The following VANGL2 variants were observed in gnomAD, a reference collection of about 807,000 sequenced individuals.
The protein encoded by VANGL2 is vang-like protein 2.
Under a neutral mutation model 50.2 loss-of-function variants are expected in VANGL2, and 14 were observed. That is an observed-to-expected ratio of 0.28 (90% confidence interval 0.18 to 0.44). The LOEUF (loss-of-function observed/expected upper bound fraction) is 0.44, where lower values mean the gene tolerates loss of function less well. Among genes scored for constraint, VANGL2 ranks in the 20% least tolerant of loss-of-function variants. VANGL2 has a pLI of 1.00. For synonymous variants in VANGL2, 295 were observed against 297.2 expected, an observed-to-expected ratio of 0.99 and a Z score of 0.08; for missense variants, 533 against 701.5, an observed-to-expected ratio of 0.76 and a Z score of 2.71.
At chr1:160,418,289 AGTAAACATGCGGTGGGCCTGAG>A (rs1394640607) in intron 3 of VANGL2, among the ~76,000 whole-genome samples, 1 of 152,176 alleles carries the variant, frequency 6.6e-6, no homozygotes, top group African/African-American at 2.4e-5. Context: ...GATTTGGTTC[AGTAAACATGCGGTGGGCCTGAG>A]GTTCCGCCTT....
At chr1:160,425,065 G>C in intron 7 of VANGL2, 53 bp from the exon 8 acceptor site, 1 of 1,613,676 alleles carries the variant, frequency 6.2e-7, no homozygotes, top group South Asian at 1.1e-5. Context: ...AGGGGATGAA[G>C]GACCGTGGGT....
intron 3 of VANGL2, among the ~76,000 whole-genome samples, chr1:160,416,941 T>C (rs1288859948): frequency 2.0e-5 from 3 of 152,108 alleles, no homozygotes; most frequent in Non-Finnish European, 2.9e-5. Context: ...GTGGCTGACA[T>C]TGGGAATTCC....
chr1:160,408,354 G>A (rs1465835775), intron 1 of VANGL2, among the ~76,000 whole-genome samples: 1 of 152,156 alleles, frequency 6.6e-6, no homozygotes, highest in Non-Finnish European at 1.5e-5. Flanking sequence ...CTCACCCCCA[G>A]CCTTAGACTG....
At chr1:160,411,336 C>A (rs1386764586) in intron 1 of VANGL2, among the ~76,000 whole-genome samples, 2 of 151,872 alleles carry the variant, frequency 1.3e-5, no homozygotes, top group African/African-American at 4.8e-5. Flanking sequence ...CCGGACTTCC[C>A]TCCCTGTCTC....
intron 1 of VANGL2, among the ~76,000 whole-genome samples, chr1:160,410,757 A>G (rs1411125201): frequency 6.6e-6 from 1 of 151,602 alleles, no homozygotes; most frequent in South Asian, 2.1e-4. Context: ...CCAGGTTCTG[A>G]GTGTATTTTT....
intron 1 of VANGL2, among the ~76,000 whole-genome samples, chr1:160,410,680 ACAC>A (rs1233712267): frequency 1.5e-5 from 2 of 136,404 alleles, no homozygotes; most frequent in Non-Finnish European, 3.3e-5. Flanking sequence ...CCTTATACAC[ACAC>A]ACACACACAC....
intron 1 of VANGL2, among the ~76,000 whole-genome samples, chr1:160,406,737 T>G (rs1489166442): frequency 9.0e-6 from 1 of 110,584 alleles, no homozygotes; most frequent in Non-Finnish European, 1.7e-5. Context: ...GGGGTTCTGG[T>G]TTTTTTTTTT....
In VANGL2 at chr1:160,425,168, G is replaced by A; in HGVS notation, c.1356G>A (p.Lys452=). Residue 452 remains lysine (K), a synonymous_variant, in exon 8 of 8, where the codon AAG becomes AAA. Coordinates refer to ENST00000368061, the MANE Select transcript of VANGL2 (RefSeq NM_020335.3). ...LAAGPTIQYH[K]ERWLAKQWTL... is the part of the protein sequence containing the mutation. ...CTGGACCTACCATCCAGTACCACAAGGAACGCTGGCTGGCCAAACAGTGGA... is the reference window on the plus strand; with the variant it reads ...CTGGACCTACCATCCAGTACCACAAAGAACGCTGGCTGGCCAAACAGTGGA... The A allele has an allele frequency of 6.2e-7, 1 of 1,614,144 alleles. No individual in the cohort carries two copies. Among genetic ancestry groups the A allele is most frequent in the Non-Finnish European group, 8.5e-7 (1 of 1,180,038 alleles).
chr1:160,423,601 G>C (rs1651342635), intron 6 of VANGL2, among the ~76,000 whole-genome samples: 1 of 152,144 alleles, frequency 6.6e-6, no homozygotes, highest in Non-Finnish European at 1.5e-5. Flanking sequence ...TGAATCCCTT[G>C]TTGGTTTTAG....
At chr1:160,412,336 CT>C (rs1650908488) in intron 1 of VANGL2, among the ~76,000 whole-genome samples, 1 of 151,970 alleles carries the variant, frequency 6.6e-6, no homozygotes, top group Admixed American at 6.6e-5. Context: ...CAGTTGTTTA[CT>C]TCTCCACCCC....
At position 160,406,286 on chromosome 1, in the gene VANGL2, T is replaced by C. The variant is rs1363483884; in HGVS notation, c.-191+5417T>C. Among the ~76,000 whole-genome samples the C allele has an allele frequency of 2.6e-5, 4 of 152,192 alleles. 1 individual carries two copies. ...ATTCCAGTTCGGTCTGATTGCTCAT[T>C]ATTGCCTTTAATCTTGCACTTGAGT... On this transcript the variant is annotated intron_variant, in intron 1 of 7. Transcript: ENST00000368061.
intron 1 of VANGL2, among the ~76,000 whole-genome samples, chr1:160,402,242 G>A (rs904843992): frequency 7.2e-5 from 11 of 152,144 alleles, no homozygotes; most frequent in Admixed American, 2.0e-4. Context: ...AGAAGAATAA[G>A]AGGAACTTCC....
chr1:160,416,006 A>G (rs956495896), intron 2 of VANGL2, 56 bp from the exon 3 acceptor site: 1 of 1,614,068 alleles, frequency 6.2e-7, no homozygotes, highest in Non-Finnish European at 8.5e-7. Flanking sequence ...GTGGCTGCTG[A>G]GAAGACCCTG....
At chr1:160,401,676 G>T (rs1189048959) in intron 1 of VANGL2, among the ~76,000 whole-genome samples, 1 of 152,096 alleles carries the variant, frequency 6.6e-6, no homozygotes, top group Non-Finnish European at 1.5e-5. Context: ...GGCTGACCAT[G>T]CATCTGCTGT....
chr1:160,406,122 G>A (rs576088078), intron 1 of VANGL2, among the ~76,000 whole-genome samples: 12 of 152,088 alleles, frequency 7.9e-5, no homozygotes, highest in Non-Finnish European at 1.5e-4. Flanking sequence ...CACTATTATT[G>A]CCATTTTATA....
chr1:160,408,660 G>A (rs1650773645), intron 1 of VANGL2, among the ~76,000 whole-genome samples: 1 of 152,126 alleles, frequency 6.6e-6, no homozygotes, highest in Admixed American at 6.5e-5. Flanking sequence ...GGGCTGTCCT[G>A]GGAGAATGCC....
At chr1:160,410,737 C>T (rs1008216189) in intron 1 of VANGL2, among the ~76,000 whole-genome samples, 2 of 152,096 alleles carry the variant, frequency 1.3e-5, no homozygotes, top group African/African-American at 4.8e-5. Context: ...CCTGCTCCCT[C>T]TGCCTGTTGC....
At chr1:160,408,671 T>G (rs909946033) in intron 1 of VANGL2, among the ~76,000 whole-genome samples, 1 of 151,992 alleles carries the variant, frequency 6.6e-6, no homozygotes, top group Non-Finnish European at 1.5e-5. Flanking sequence ...GGAGAATGCC[T>G]GGTTAACAGG....
chr1:160,420,039 G>A (rs1264706654), intron 4 of VANGL2, among the ~76,000 whole-genome samples: 1 of 152,132 alleles, frequency 6.6e-6, no homozygotes, highest in Non-Finnish European at 1.5e-5. Flanking sequence ...AGATAAGGAG[G>A]AGAGTTCTTC....
Sources: allele counts gnomAD v4.1 joint callset (sites outside exome capture counted in the v4.1 genomes callset), GRCh38; gene constraint gnomAD v4.1.1; transcripts MANE v1.5; gene names NCBI Gene and HGNC (gene_info 2026-07-23, HGNC 2026-07-21).